CWC27: variants seen among roughly 807,000 people sequenced by gnomAD.
CWC27 encodes the protein CWC27 spliceosome associated cyclophilin.
Under a neutral mutation model 63.6 loss-of-function variants are expected in CWC27, and 47 were observed. The ratio of observed to expected loss-of-function variants is 0.74; its 90% CI spans 0.58 to 0.94. CWC27 has a LOEUF of 0.94. CWC27 is among the 40% of genes least tolerant of loss of function. The pLI is 0.00. For missense variants in CWC27, 495 were observed against 554.3 expected (o/e 0.89, Z 1.07); for synonymous variants, 175 against 179.8 (o/e 0.97, Z 0.22).
chr5:64,947,592 G>A (rs768748778), intron 11 of CWC27, among the ~76,000 whole-genome samples: 10 of 152,042 alleles, frequency 6.6e-5, no homozygotes, highest in Non-Finnish European at 1.5e-4. Context: ...GTTATTATCT[G>A]TACCATTTCA....
chr5:64,805,624 C>A, intron 10 of CWC27, among the ~76,000 whole-genome samples: 1 of 151,752 alleles, frequency 6.6e-6, no homozygotes, highest in South Asian at 2.1e-4. Context: ...AATAGATGAG[C>A]CAACCAAATA....
chr5:64,965,205 G>A (rs1445941945), intron 11 of CWC27, among the ~76,000 whole-genome samples: 1 of 152,140 alleles, frequency 6.6e-6, no homozygotes, highest in Non-Finnish European at 1.5e-5. Flanking sequence ...TAATGATAGG[G>A]AACACCCTGT....
intron 11 of CWC27, among the ~76,000 whole-genome samples, chr5:64,889,418 G>A (rs1229183740): frequency 6.6e-6 from 1 of 152,044 alleles, no homozygotes; most frequent in Non-Finnish European, 1.5e-5. Flanking sequence ...ACAACGAAAA[G>A]TAAATAAATA....
chr5:64,923,457 CAT>C (rs1748039177), intron 11 of CWC27, among the ~76,000 whole-genome samples: 1 of 150,860 alleles, frequency 6.6e-6, no homozygotes, highest in African/African-American at 2.4e-5. Flanking sequence ...TCAGCAACCT[CAT>C]GTGGGGTTTC....
At chr5:64,931,319 CAT>C (rs113030247) in intron 11 of CWC27, among the ~76,000 whole-genome samples, 3,519 of 151,894 alleles carry the variant, frequency 0.023, 128 homozygotes, top group African/African-American at 0.081. Context: ...AATAATAAAA[CAT>C]GTGGCAAAAT....
intron 3 of CWC27, 33 bp from the exon 4 acceptor site, chr5:64,783,803 T>C (rs773633351): frequency 2.6e-6 from 4 of 1,521,780 alleles, no homozygotes; most frequent in Middle Eastern, 3.5e-4. Context: ...GTCTTATAAC[T>C]GAGGACATTC....
chr5:64,948,401 C>T (rs1748634639), intron 11 of CWC27, among the ~76,000 whole-genome samples: 1 of 151,352 alleles, frequency 6.6e-6, no homozygotes, highest in Non-Finnish European at 1.5e-5. Flanking sequence ...TTTTTTATGG[C>T]TCAACCTTAT....
chr5:64,924,336 C>A (rs1748061806), intron 11 of CWC27, among the ~76,000 whole-genome samples: 1 of 152,100 alleles, frequency 6.6e-6, no homozygotes, highest in East Asian at 1.9e-4. Flanking sequence ...GTGCAAGAAC[C>A]CTTCAAGCTA....
chr5:64,801,444 A>G, intron 9 of CWC27, 112 bp downstream of exon 9: 1 of 906,724 alleles, frequency 1.1e-6, no homozygotes, highest in Non-Finnish European at 1.5e-6. Flanking sequence ...TTTTATAGTT[A>G]TATATGTCAA....
intron 10 of CWC27, among the ~76,000 whole-genome samples, chr5:64,844,244 A>C (rs1211945031): frequency 6.6e-6 from 1 of 152,200 alleles, no homozygotes; most frequent in Non-Finnish European, 1.5e-5. Context: ...AGCAATCAGC[A>C]TGGCTAGACT....
chr5:64,982,890 T>A (rs537497327), intron 13 of CWC27, among the ~76,000 whole-genome samples: 36 of 152,332 alleles, frequency 2.4e-4, no homozygotes, highest in African/African-American at 7.5e-4. Flanking sequence ...CGAGCTTTAC[T>A]GCCTGAGCTC....
rs1337489998 is a variant in CWC27, at chr5:64,964,929, C to A, written c.1043-6774C>A. The stretch of plus-strand genomic sequence containing the variant: ...GTATTAAATGATTAACAACCACAAT[C>A]AAATTAAAAGCTTCAAAATACATCC... On this transcript the variant is annotated intron_variant, in intron 11 of 13. Coordinates refer to ENST00000381070, the MANE Select transcript of CWC27 (RefSeq NM_005869.4). Among the ~76,000 whole-genome samples the A allele has an allele frequency of 6.6e-5, 10 of 152,032 alleles. No homozygotes were observed. The East Asian group carries it at 1.9e-3, about 29-fold the overall frequency.
At chr5:65,001,911 T>C (rs910009130) in intron 13 of CWC27, among the ~76,000 whole-genome samples, 1 of 152,106 alleles carries the variant, frequency 6.6e-6, no homozygotes, top group Non-Finnish European at 1.5e-5. Context: ...GTGTGTGTTC[T>C]TTATAATTTT....
chr5:64,905,200 CAAAAAAAAAAAAAAAA>C, intron 11 of CWC27, among the ~76,000 whole-genome samples: 1 of 55,558 alleles, frequency 1.8e-5, no homozygotes, highest in African/African-American at 6.7e-5. Flanking sequence ...CACTACATCT[CAAAAAAAAAAAAAAAA>C]AAAAAAAACA....
intron 7 of CWC27, among the ~76,000 whole-genome samples, chr5:64,791,514 A>G (rs1393087846): frequency 6.6e-6 from 1 of 152,080 alleles, no homozygotes; most frequent in Non-Finnish European, 1.5e-5. Context: ...AGGACTGAGT[A>G]AAATCTTTTC....
chr5:65,011,948 G>C lies in CWC27; in HGVS notation c.1257-6211G>C, dbSNP rs1408512588. On this transcript the variant is annotated intron_variant, in intron 13 of 13. Transcript: ENST00000381070. ...GGCAATAAGGAGATAAAAATTTATA[G>C]GGGGAATTAATGCTTTTTCTTTTTT... Among the ~76,000 whole-genome samples the C allele has an allele frequency of 4.1e-4, 62 of 152,166 alleles. 1 individual carries two copies. The highest frequency in any genetic ancestry group is 8.8e-5 in the Non-Finnish European group (6 of 68,028).
intron 10 of CWC27, among the ~76,000 whole-genome samples, chr5:64,824,493 G>C (rs1185239953): frequency 1.3e-5 from 2 of 151,946 alleles, no homozygotes; most frequent in Non-Finnish European, 2.9e-5. Context: ...TTAGTAAGTG[G>C]ACTACTAAAG....
Position 65,016,541 on chromosome 5 carries a change from T to G in CWC27, c.1257-1618T>G, listed in dbSNP as rs114078453. 5.7e-3 allele frequency among the ~76,000 whole-genome samples: 863 copies of G among 152,192 alleles called. 7 individuals carry two copies. The highest frequency in any genetic ancestry group is 0.019 in the African/African-American group (809 of 41,524). On this transcript the variant is annotated intron_variant, in intron 13 of 13. Transcript: ENST00000381070. ...ACTTATTCAGTAAATTAAAGTAGAT[T>G]CTAGATCATCCATATATATCATTTC...
At chr5:64,850,454 A>C (rs1458475751) in intron 10 of CWC27, among the ~76,000 whole-genome samples, 1 of 152,334 alleles carries the variant, frequency 6.6e-6, no homozygotes, top group Non-Finnish European at 1.5e-5. Context: ...TCTTAAGACC[A>C]GAAACTGTAA....
Sources: gnomAD v4.1 joint callset for allele counts (sites outside exome capture counted in the v4.1 genomes callset) on GRCh38, gnomAD v4.1.1 for gene constraint, MANE v1.5 for transcripts, NCBI Gene and HGNC (gene_info 2026-07-23, HGNC 2026-07-21) for gene names.